MRAS: variants seen among roughly 807,000 people sequenced by gnomAD.
MRAS encodes the protein muscle RAS oncogene homolog.
MRAS carries 4 observed loss-of-function variants against 20.9 expected under a neutral mutation model. The ratio of observed to expected loss-of-function variants is 0.19; its 90% confidence interval spans 0.09 to 0.44. The LOEUF (loss-of-function observed/expected upper bound fraction) is 0.44. Ranked by LOEUF, MRAS falls within the 20% of genes least tolerant of loss-of-function variation. The probability of loss-of-function intolerance (pLI) is 0.99; values close to 1 mark genes in which losing one functional copy is unlikely to be tolerated. For synonymous variants in MRAS, 98 were observed against 102.9 expected (o/e 0.95, Z 0.29); for missense variants, 154 against 277.5 (o/e 0.56, Z 3.16).
At chr3:138,380,457 C>T (rs147872520) in intron 2 of MRAS, among the ~76,000 whole-genome samples, 7,669 of 151,674 alleles carry the variant, frequency 0.051, 285 homozygotes, top group Non-Finnish European at 0.076. Context: ...GGATTACAGG[C>T]GTGCACCACC....
rs1008709737 is a variant in MRAS at position 138,403,023 on chromosome 3, A to G, written c.*754A>G. 1 of 152,320 alleles carries G rather than the reference A, an allele frequency of 6.6e-6. No homozygotes were observed. The highest frequency in any genetic ancestry group is 1.5e-5 in the Non-Finnish European group (1 of 68,044). The allele number at this position is 152,320 out of a possible 1,614,324, so 9.4% of individuals were successfully genotyped here. A position where few individuals can be genotyped will look rare whatever the true frequency, so the allele number is the denominator to read the frequency against. On this transcript the variant is annotated 3_prime_UTR_variant, in exon 6 of 6. Coordinates refer to ENST00000423968, the MANE Select transcript of MRAS (RefSeq NM_001085049.3). The stretch of plus-strand genomic sequence containing the variant: ...GGATTTTCCTATGGTTGGGGATGCA[A>G]ATATTAGAAAACAGATTGTATTTTG...
At chr3:138,380,337 A>G (rs1576368019) in intron 2 of MRAS, among the ~76,000 whole-genome samples, 3 of 151,678 alleles carry the variant, frequency 2.0e-5, no homozygotes. Context: ...TTCTGAAATG[A>G]GGTCTCACTC....
chr3:138,380,765 T>C (rs2054884216), intron 2 of MRAS, among the ~76,000 whole-genome samples: 1 of 151,766 alleles, frequency 6.6e-6, no homozygotes, highest in South Asian at 2.1e-4. Flanking sequence ...CTGAATTTCT[T>C]TCCTTTTTTT....
chr3:138,357,230 C>T (rs1476620673), intron 1 of MRAS, among the ~76,000 whole-genome samples: 1 of 150,120 alleles, frequency 6.7e-6, no homozygotes, highest in Non-Finnish European at 1.5e-5. Flanking sequence ...CGCCCTTGCC[C>T]CAAGCGGGGC....
intron 2 of MRAS, 95 bp downstream of exon 2, chr3:138,373,171 T>C: frequency 8.7e-7 from 1 of 1,144,628 alleles, no homozygotes; most frequent in Non-Finnish European, 1.2e-6. Context: ...ATGGTTTCCT[T>C]AATGTTGCTG....
intron 2 of MRAS, among the ~76,000 whole-genome samples, chr3:138,388,473 C>T (rs182690617): frequency 1.3e-3 from 197 of 152,212 alleles, no homozygotes; most frequent in Non-Finnish European, 2.4e-3. Flanking sequence ...CCAAGGCGGG[C>T]GGATCACTTG....
intron 5 of MRAS, 93 bp from the exon 6 acceptor site, chr3:138,402,077 C>T: frequency 8.0e-7 from 1 of 1,257,644 alleles, no homozygotes; most frequent in Non-Finnish European, 1.1e-6. Flanking sequence ...AACAGGCCTC[C>T]TCTGACTCAG....
chr3:138,385,664 C>T (rs1483644751), intron 2 of MRAS, among the ~76,000 whole-genome samples: 1 of 151,960 alleles, frequency 6.6e-6, no homozygotes, highest in Non-Finnish European at 1.5e-5. Context: ...TGCAGGCGCC[C>T]GCCACCACAC....
chr3:138,365,216 A>C (rs557360013), intron 1 of MRAS, among the ~76,000 whole-genome samples: 1 of 152,324 alleles, frequency 6.6e-6, no homozygotes, highest in African/African-American at 2.4e-5. Context: ...CATCTGACAC[A>C]TTGTTTACCT....
intron 2 of MRAS, 151 bp downstream of exon 2, chr3:138,373,227 T>G: frequency 1.3e-6 from 1 of 765,652 alleles, no homozygotes; most frequent in Non-Finnish European, 1.8e-6. Flanking sequence ...TCAGGGTGAA[T>G]TCTCAACAGG....
intron 2 of MRAS, among the ~76,000 whole-genome samples, chr3:138,387,404 T>C (rs575250917): frequency 6.6e-6 from 1 of 152,294 alleles, no homozygotes; most frequent in East Asian, 1.9e-4. Context: ...TCACAGGCTG[T>C]GGGGATGCCA....
chr3:138,390,837 G>A (rs1322102149), intron 2 of MRAS, among the ~76,000 whole-genome samples: 3 of 152,184 alleles, frequency 2.0e-5, no homozygotes, highest in Non-Finnish European at 2.9e-5. Flanking sequence ...CATTATTAGT[G>A]TATTTAGGTT....
intron 1 of MRAS, chr3:138,350,469 G>A (rs545201610): frequency 6.6e-6 from 1 of 152,226 alleles, no homozygotes; most frequent in African/African-American, 2.4e-5. Flanking sequence ...GGAGGTGTTG[G>A]GCAAGCCTCG....
rs755312490 is a variant in MRAS, at chr3:138,402,296, C to T, written c.*27C>T. The T allele has an allele frequency of 1.8e-5, 29 of 1,601,738 alleles. No individual in the cohort carries two copies. The highest frequency in any genetic ancestry group is 6.7e-5 in the East Asian group (3 of 44,798). On this transcript the variant is annotated 3_prime_UTR_variant, in exon 6 of 6. Transcript: ENST00000423968. ...AGGCCTGAGGCCCTGGGCACAGTGA[C>T]GGTGGCCTGGCCAGCCCTCGGGACC... is the stretch of plus-strand genomic sequence containing the variant.
rs142679063 is a variant in MRAS, at chr3:138,353,935, C to T, written c.-19+5168C>T. On this transcript the variant is annotated intron_variant, in intron 1 of 5. Transcript: ENST00000423968. ...CTGTCTCTTCCTGAAGTGCATGCTC[C>T]TTCCGTTAGACCGTGCTGTTCCCAG... 6.4e-4 allele frequency among the ~76,000 whole-genome samples: 97 copies of T among 152,348 alleles called. 1 individual carries two copies. In the East Asian group the frequency reaches 0.018, roughly 28 times the overall value.
At chr3:138,400,703 C>G in intron 5 of MRAS, 90 bp downstream of exon 5, 1 of 1,093,982 alleles carries the variant, frequency 9.1e-7, no homozygotes, top group Non-Finnish European at 1.4e-6. Flanking sequence ...AGCTCCTGTT[C>G]TGAGGCCATG....
In MRAS at chr3:138,362,387, C is replaced by G. The variant is rs184477343; in HGVS notation, c.-18-10479C>G. Among the ~76,000 whole-genome samples the G allele has an allele frequency of 6.6e-5, 10 of 152,248 alleles. No homozygotes were observed. The East Asian group carries it at 1.7e-3, about 26-fold the overall frequency. On this transcript the variant is annotated intron_variant, in intron 1 of 5. Coordinates refer to ENST00000423968, the MANE Select transcript of MRAS (RefSeq NM_001085049.3). ...TTGGTAAAATGGGGATAATAACCCTCCCCCACAACTTTCTGCCTCAGGCCT... is the reference window on the plus strand; with the variant it reads ...TTGGTAAAATGGGGATAATAACCCTGCCCCACAACTTTCTGCCTCAGGCCT...
chr3:138,358,531 C>T (rs1011140575), intron 1 of MRAS, among the ~76,000 whole-genome samples: 1 of 152,182 alleles, frequency 6.6e-6, no homozygotes, highest in Non-Finnish European at 1.5e-5. Flanking sequence ...TTTCCCTTTC[C>T]TGTTAGAACA....
intron 1 of MRAS, among the ~76,000 whole-genome samples, chr3:138,353,760 T>G (rs2054275028): frequency 6.6e-6 from 1 of 152,200 alleles, no homozygotes; most frequent in African/African-American, 2.4e-5. Flanking sequence ...TACTGTATAC[T>G]TTATATTCGC....
Sources: allele counts gnomAD v4.1 joint callset (sites outside exome capture counted in the v4.1 genomes callset), GRCh38; gene constraint gnomAD v4.1.1; transcripts MANE v1.5; gene names NCBI Gene and HGNC (gene_info 2026-07-23, HGNC 2026-07-21).